DEPDC1B: variants seen among roughly 807,000 people sequenced by gnomAD.
The protein encoded by DEPDC1B is DEP domain containing 1B, also known as DEP domain-containing protein 1B.
Under a neutral mutation model 66.5 loss-of-function variants are expected in DEPDC1B, and 51 were observed. The ratio of observed to expected loss-of-function variants is 0.77; its 90% CI spans 0.61 to 0.97. The LOEUF (loss-of-function observed/expected upper bound fraction) is 0.97, where lower values mean the gene tolerates loss of function less well. DEPDC1B is among the 50% of genes least tolerant of loss of function. The pLI is 0.00. For synonymous variants in DEPDC1B, 226 were observed against 223.6 expected, an observed-to-expected ratio of 1.01 and a Z score of -0.10; for missense variants, 552 against 637.1, an observed-to-expected ratio of 0.87 and a Z score of 1.44.
At chr5:60,600,467 T>C (rs1340716814) in intron 9 of DEPDC1B, among the ~76,000 whole-genome samples, 4 of 152,212 alleles carry the variant, frequency 2.6e-5, no homozygotes, top group African/African-American at 4.8e-5. Context: ...AAACAATCAC[T>C]GGAATAATCC....
intron 9 of DEPDC1B, among the ~76,000 whole-genome samples, chr5:60,601,014 A>AG (rs1752189996): frequency 6.6e-6 from 1 of 152,084 alleles, no homozygotes; most frequent in Non-Finnish European, 1.5e-5. Context: ...TGGTTTTATG[A>AG]GGGGCTTTTC....
At chr5:60,621,627 T>C (rs1176488192) in intron 7 of DEPDC1B, among the ~76,000 whole-genome samples, 1 of 152,126 alleles carries the variant, frequency 6.6e-6, no homozygotes, top group Non-Finnish European at 1.5e-5. Flanking sequence ...GGCTCATGTA[T>C]ACATATGTAA....
At chr5:60,666,666 G>A (rs1319552654) in intron 2 of DEPDC1B, among the ~76,000 whole-genome samples, 1 of 152,112 alleles carries the variant, frequency 6.6e-6, no homozygotes, top group African/African-American at 2.4e-5. Flanking sequence ...CTCAGGTGAG[G>A]GTAGCAGGGG....
chr5:60,689,008 G>A lies in DEPDC1B; in HGVS notation c.49-1781C>T, dbSNP rs1367947304. 8.8e-6 allele frequency: 4 copies of A among 456,078 alleles called. No homozygotes were observed. In the East Asian group the frequency reaches 2.1e-4, roughly 24 times the overall value. 28.3% of individuals were successfully genotyped at this position (456,078 alleles called of 1,614,324 possible). Reference sequence around the variant, plus strand: ...ACCACACAATGATCCTAATCTTCAAGTATAAGAAACACTGGACCACTTCAG... The same window carrying A: ...ACCACACAATGATCCTAATCTTCAAATATAAGAAACACTGGACCACTTCAG... On this transcript the variant is annotated intron_variant, in intron 1 of 10. Coordinates refer to ENST00000265036, the MANE Select transcript of DEPDC1B (RefSeq NM_018369.3).
intron 2 of DEPDC1B, among the ~76,000 whole-genome samples, chr5:60,677,695 C>T (rs993877181): frequency 1.2e-4 from 18 of 152,102 alleles, no homozygotes; most frequent in South Asian, 2.1e-4. Context: ...GCCACCACTT[C>T]ACCTAACTAA....
At chr5:60,664,528 C>T (rs752249164) in intron 2 of DEPDC1B, among the ~76,000 whole-genome samples, 9 of 152,180 alleles carry the variant, frequency 5.9e-5, no homozygotes, top group Non-Finnish European at 1.0e-4. Context: ...TTCTTCCAGA[C>T]AATGAAGAAA....
At chr5:60,604,241 T>TTTTTTTTTTTC (rs1554050497) in intron 8 of DEPDC1B, among the ~76,000 whole-genome samples, 1 of 143,126 alleles carries the variant, frequency 7.0e-6, no homozygotes, top group African/African-American at 2.7e-5. Context: ...TTTTTTTTTT[T>TTTTTTTTTTTC]ACGGAGTCTC....
chr5:60,650,733 C>T (rs74785192), intron 2 of DEPDC1B, among the ~76,000 whole-genome samples: 1,886 of 152,180 alleles, frequency 0.012, 16 homozygotes, highest in Non-Finnish European at 0.02. Context: ...AAATTGCATC[C>T]CGGTTCAGCC....
chr5:60,677,956 G>C (rs113756775), intron 2 of DEPDC1B, among the ~76,000 whole-genome samples: 1,886 of 152,234 alleles, frequency 0.012, 16 homozygotes, highest in Non-Finnish European at 0.02. Context: ...TATCTAAAAC[G>C]GGTCCAAAAG....
chr5:60,624,829 A>C lies in DEPDC1B; in HGVS notation c.898+13921T>G, dbSNP rs1347319968. On this transcript the variant is annotated intron_variant, in intron 7 of 10. Coordinates refer to ENST00000265036, the MANE Select transcript of DEPDC1B (RefSeq NM_018369.3). The stretch of plus-strand genomic sequence containing the variant: ...GGTGGTTTGTGGCACCCACAAACCA[A>C]AGTAATGTCAAACCAAAGTAATGTC... Among the ~76,000 whole-genome samples, 3 of 152,092 alleles carry C rather than the reference A, an allele frequency of 2.0e-5. No homozygotes were observed. The East Asian group carries it at 5.8e-4, about 29-fold the overall frequency.
At chr5:60,669,059 C>A (rs565569782) in intron 2 of DEPDC1B, among the ~76,000 whole-genome samples, 11 of 152,126 alleles carry the variant, frequency 7.2e-5, no homozygotes, top group Non-Finnish European at 1.6e-4. Context: ...ATTGTCCAAC[C>A]AAACAAGCAG....
chr5:60,690,972 T>C (rs1754530132), intron 1 of DEPDC1B, among the ~76,000 whole-genome samples: 1 of 152,130 alleles, frequency 6.6e-6, no homozygotes, highest in Non-Finnish European at 1.5e-5. Context: ...TGTGTATGCA[T>C]GTACCCCGGA....
At chr5:60,668,183 TTATATATATATAAAATGGATATTTTA>T in intron 2 of DEPDC1B, among the ~76,000 whole-genome samples, 1 of 4,192 alleles carries the variant, frequency 2.4e-4, no homozygotes, top group Non-Finnish European at 5.1e-4. Flanking sequence ...AATGGATATT[TTATATATATATAAAATGGATATTTTA>T]TATATATATA....
intron 2 of DEPDC1B, among the ~76,000 whole-genome samples, chr5:60,651,481 T>A (rs1181493498): frequency 6.6e-6 from 1 of 150,506 alleles, no homozygotes; most frequent in Non-Finnish European, 1.5e-5. Flanking sequence ...TGAGCTGAAA[T>A]TGCACCACTG....
At chr5:60,606,502 G>A (rs1439162591) in intron 7 of DEPDC1B, among the ~76,000 whole-genome samples, 1 of 150,294 alleles carries the variant, frequency 6.7e-6, no homozygotes, top group Non-Finnish European at 1.5e-5. Flanking sequence ...GCCAGGCACA[G>A]TGGCTCACGC....
intron 6 of DEPDC1B, among the ~76,000 whole-genome samples, chr5:60,639,769 T>C (rs1049594769): frequency 1.4e-4 from 21 of 152,152 alleles, no homozygotes; most frequent in African/African-American, 4.3e-4. Context: ...TTGAGGAAAA[T>C]AGCAAGTCGT....
At chr5:60,699,110 G>A (rs1277481049) in intron 1 of DEPDC1B, among the ~76,000 whole-genome samples, 3 of 152,094 alleles carry the variant, frequency 2.0e-5, no homozygotes, top group Non-Finnish European at 4.4e-5. Context: ...GTGTGTGGCT[G>A]GCTTTGGAAA....
intron 1 of DEPDC1B, chr5:60,688,882 T>C (rs1259875859): frequency 1.6e-5 from 6 of 363,822 alleles, no homozygotes; most frequent in Non-Finnish European, 3.3e-5. Context: ...GTCAGTTAAG[T>C]CCAGGGAATA....
chr5:60,603,332 C>G, intron 9 of DEPDC1B, 59 bp downstream of exon 9: 1 of 1,421,572 alleles, frequency 7.0e-7, no homozygotes, highest in East Asian at 2.5e-5. Context: ...AGAAGCCTAG[C>G]AAGCTTACGT....
Sources: gnomAD v4.1 joint callset for allele counts (sites outside exome capture counted in the v4.1 genomes callset) on GRCh38, gnomAD v4.1.1 for gene constraint, MANE v1.5 for transcripts, NCBI Gene and HGNC (gene_info 2026-07-23, HGNC 2026-07-21) for gene names.